Variants in COL4A5 observed in about 807,000 individuals in gnomAD.
COL4A5 encodes the protein collagen type IV alpha 5 chain.
Under a neutral mutation model 130.2 loss-of-function variants are expected in COL4A5, and 26 were observed. That is an observed-to-expected ratio of 0.20 (90% CI 0.15 to 0.28). The LOEUF (loss-of-function observed/expected upper bound fraction) is 0.28. Among genes scored for constraint, COL4A5 ranks in the 10% least tolerant of loss-of-function variants. COL4A5 has a pLI of 1.00. For missense variants in COL4A5, 1,131 were observed against 1,344.3 expected (o/e 0.84, Z 2.48); for synonymous variants, 496 against 439.6 (o/e 1.13, Z -1.60).
intron 36 of COL4A5, among the ~76,000 whole-genome samples, chrX:108,644,832 G>T (rs181556505): frequency 2.8e-5 from 3 of 106,742 alleles, no homozygotes; most frequent in African/African-American, 1.0e-4. Flanking sequence ...CCCGGGAGGC[G>T]GAGGTTGCAG....
Position 108,650,402 on chromosome X carries a change from A to T in COL4A5, c.3247-4929A>T, listed in dbSNP as rs990430467. 3.6e-5 allele frequency among the ~76,000 whole-genome samples: 4 copies of T among 111,537 alleles called. No individual in the cohort carries two copies. In the Admixed American group the frequency reaches 3.8e-4, roughly 11 times the overall value. On this transcript the variant is annotated intron_variant, in intron 36 of 52. Coordinates refer to ENST00000328300, the MANE Select transcript of COL4A5 (RefSeq NM_033380.3). Reference sequence around the variant, plus strand: ...GAACTAAAAGTAGAACTACCATTTGATCCAGCAATCCCACTACTGGGTATC... The same window carrying T: ...GAACTAAAAGTAGAACTACCATTTGTTCCAGCAATCCCACTACTGGGTATC...
At chrX:108,543,683 A>G (rs1603269799) in intron 2 of COL4A5, among the ~76,000 whole-genome samples, 1 of 111,714 alleles carries the variant, frequency 9.0e-6, no homozygotes, top group Non-Finnish European at 1.9e-5. Context: ...CATTGAATCT[A>G]TAAATTACCT....
intron 1 of COL4A5, among the ~76,000 whole-genome samples, chrX:108,524,557 G>A (rs940186822): frequency 4.8e-4 from 52 of 109,130 alleles, no homozygotes; most frequent in African/African-American, 1.7e-3. Context: ...GGGTTACTTC[G>A]CTCTCTTTTT....
chrX:108,466,071 T>C (rs1302279877), intron 1 of COL4A5, among the ~76,000 whole-genome samples: 2 of 111,837 alleles, frequency 1.8e-5, no homozygotes, highest in Non-Finnish European at 3.8e-5. Flanking sequence ...TCAACTTCAT[T>C]GTACATCATC....
chrX:108,564,070 G>A (rs1034605205), intron 4 of COL4A5, 144 bp downstream of exon 4: 26 of 445,864 alleles, frequency 5.8e-5, no homozygotes, highest in Middle Eastern at 6.2e-4. Flanking sequence ...TTTAAGAGTT[G>A]GTATATGTCT....
intron 21 of COL4A5, among the ~76,000 whole-genome samples, chrX:108,592,761 A>G (rs2147800769): frequency 9.5e-6 from 1 of 105,138 alleles, no homozygotes; most frequent in Admixed American, 1.0e-4. Flanking sequence ...TGGTGTACAT[A>G]TATGTGTGTG....
At position 108,639,601 on chromosome X, in the gene COL4A5, A is replaced by G. The variant is rs1300510048; in HGVS notation, c.3246+13252A>G. ...TACTAATAGAGTGAAAAGGCAACTC[A>G]TGGGATGGAAGAAAATATTTGTAAA... On this transcript the variant is annotated intron_variant, in intron 36 of 52. Coordinates refer to ENST00000328300, the MANE Select transcript of COL4A5 (RefSeq NM_033380.3). 5.4e-5 allele frequency among the ~76,000 whole-genome samples: 6 copies of G among 111,916 alleles called. No individual in the cohort carries two copies. In the East Asian group the frequency reaches 1.7e-3, roughly 31 times the overall value.
chrX:108,656,848 G>A (rs1402872098), intron 37 of COL4A5, among the ~76,000 whole-genome samples: 1 of 110,910 alleles, frequency 9.0e-6, no homozygotes, highest in Non-Finnish European at 1.9e-5. Context: ...ATTTTTTATT[G>A]AATTGTCTGT....
intron 30 of COL4A5, among the ~76,000 whole-genome samples, chrX:108,615,579 A>G (rs756360137): frequency 8.1e-5 from 9 of 111,398 alleles, no homozygotes; most frequent in Non-Finnish European, 1.7e-4. Context: ...TGGATACTCA[A>G]AAAGGTCTTT....
At chrX:108,651,056 T>C (rs944169206) in intron 36 of COL4A5, among the ~76,000 whole-genome samples, 3 of 111,865 alleles carry the variant, frequency 2.7e-5, no homozygotes, top group African/African-American at 9.7e-5. Flanking sequence ...AACATTATGC[T>C]AAGTGAAATA....
intron 1 of COL4A5, among the ~76,000 whole-genome samples, chrX:108,489,067 T>C (rs997616237): frequency 8.9e-6 from 1 of 111,959 alleles, no homozygotes; most frequent in African/African-American, 3.2e-5. Context: ...CCAAGAAAAA[T>C]AGAATTATCC....
chrX:108,539,183 G>GA (rs112389199), intron 1 of COL4A5, among the ~76,000 whole-genome samples: 11,336 of 110,525 alleles, frequency 0.1, 1,296 homozygotes, highest in African/African-American at 0.33. Flanking sequence ...AATGTTAGAA[G>GA]AAAAAAAGGA....
chrX:108,529,762 A>G (rs1035827952), intron 1 of COL4A5, among the ~76,000 whole-genome samples: 5 of 110,852 alleles, frequency 4.5e-5, no homozygotes, highest in Middle Eastern at 4.6e-3. Flanking sequence ...AGCTATACCT[A>G]TATCAGATAA....
In COL4A5 at chrX:108,504,644, A is replaced by G. The variant is rs56978728; in HGVS notation, c.82-35102A>G. ...GCCAAGAAACATGGAATCATGCTCAATATCACTAATCATCAATGTAAATGC... is the reference window on the plus strand; with the variant it reads ...GCCAAGAAACATGGAATCATGCTCAGTATCACTAATCATCAATGTAAATGC... On this transcript the variant is annotated intron_variant, in intron 1 of 52. Coordinates refer to ENST00000328300, the MANE Select transcript of COL4A5 (RefSeq NM_033380.3). 7.3e-3 allele frequency among the ~76,000 whole-genome samples: 816 copies of G among 112,469 alleles called. 4 individuals are homozygous for G. Among genetic ancestry groups the G allele is most frequent in the East Asian group, 0.036 (129 of 3,571 alleles).
At chrX:108,461,998 TG>T (rs1023581267) in intron 1 of COL4A5, among the ~76,000 whole-genome samples, 35 of 112,263 alleles carry the variant, frequency 3.1e-4, no homozygotes, top group African/African-American at 1.1e-3. Flanking sequence ...TTAATGGAAA[TG>T]TATACTCATA....
At chrX:108,562,245 C>T (rs953800873) in intron 3 of COL4A5, among the ~76,000 whole-genome samples, 1 of 111,470 alleles carries the variant, frequency 9.0e-6, no homozygotes, top group Non-Finnish European at 1.9e-5. Context: ...GGTGGCAACT[C>T]CAATGGACTG....
chrX:108,625,631 C>A, intron 34 of COL4A5, 74 bp from the exon 35 acceptor site: 1 of 625,501 alleles, frequency 1.6e-6, no homozygotes, highest in Non-Finnish European at 2.7e-6. Flanking sequence ...ATTTTAATGA[C>A]TATCCATTCC....
Position 108,559,130 on chromosome X carries a change from C to T in COL4A5, c.208C>T (p.Pro70Ser), listed in dbSNP as rs776356451. Reference protein sequence around the residue: ...GLPGFPGPEGPPGPRGQKGDD... With the variant: ...GLPGFPGPEGSPGPRGQKGDD... ...GCCTGGATTTCCAGGTCCAGAAGGG[C>T]CTCCGGGGCCTCGGGGACAAAAGGT... Residue 70 changes from proline (P) to serine (S), a missense_variant, in exon 3 of 53, where the codon CCT becomes TCT. Physicochemically the swap from Pro to Ser is moderately conservative, Grantham distance 74. Coordinates refer to ENST00000328300, the MANE Select transcript of COL4A5 (RefSeq NM_033380.3). The T allele has an allele frequency of 4.1e-6, 5 of 1,208,253 alleles. No homozygotes were observed. Among genetic ancestry groups the T allele is most frequent in the Non-Finnish European group, 5.6e-6 (5 of 892,617 alleles).
At chrX:108,479,791 A>G (rs966500131) in intron 1 of COL4A5, among the ~76,000 whole-genome samples, 34 of 111,876 alleles carry the variant, frequency 3.0e-4, no homozygotes, top group African/African-American at 1.1e-3. Flanking sequence ...CACCCAGTTT[A>G]TGACAGGCAG....
Sources: gnomAD v4.1 joint callset for allele counts (sites outside exome capture counted in the v4.1 genomes callset) on GRCh38, gnomAD v4.1.1 for gene constraint, MANE v1.5 for transcripts, NCBI Gene and HGNC (gene_info 2026-07-23, HGNC 2026-07-21) for gene names.